Variants in RBM20 observed in about 807,000 individuals in gnomAD.
RBM20 encodes the protein RNA binding motif protein 20.
RBM20 carries 51 observed loss-of-function variants against 110.1 expected under a neutral mutation model. The ratio of observed to expected loss-of-function variants is 0.46; its 90% CI spans 0.37 to 0.59. The LOEUF is 0.59. RBM20 is among the 20% of genes least tolerant of loss of function. RBM20 has a pLI of 0.00. For synonymous variants in RBM20, 589 were observed against 618.2 expected (o/e 0.95, Z 0.70); for missense variants, 1,512 against 1,574.9 (o/e 0.96, Z 0.68).
In RBM20 at chr10:110,836,139, C is replaced by T. The variant is rs1272421631; in HGVS notation, c.*161C>T. ...TTGTTCCCAGAGACTCAGTGAAATG[C>T]CCCTGATATGTCTCCAGGAGCAAGT... On this transcript the variant is annotated 3_prime_UTR_variant, in exon 14 of 14. Transcript: ENST00000369519. 8.0e-6 allele frequency: 4 copies of T among 502,524 alleles called. No individual in the cohort carries two copies. The highest frequency in any genetic ancestry group is 5.9e-5 in the African/African-American group (3 of 51,036). 31.1% of individuals were successfully genotyped at this position (502,524 alleles called of 1,614,324 possible).
chr10:110,676,456 G>C (rs1862341162), intron 1 of RBM20, among the ~76,000 whole-genome samples: 2 of 152,220 alleles, frequency 1.3e-5, no homozygotes, highest in Non-Finnish European at 2.9e-5. Flanking sequence ...AACAGTGGAA[G>C]AGAAACTTTG....
At chr10:110,653,547 A>G (rs1390154371) in intron 1 of RBM20, among the ~76,000 whole-genome samples, 1 of 136,092 alleles carries the variant, frequency 7.3e-6, no homozygotes, top group Non-Finnish European at 1.6e-5. Flanking sequence ...TTTTTTTTGC[A>G]TTTGTTTATA....
rs546391168 is a variant in RBM20 at position 110,750,808 on chromosome 10, A to G, written c.192-29993A>G. Among the ~76,000 whole-genome samples, 3 of 152,314 alleles carry G rather than the reference A, an allele frequency of 2.0e-5. No individual in the cohort carries two copies. In the East Asian group the frequency reaches 5.8e-4, roughly 29 times the overall value. On this transcript the variant is annotated intron_variant, in intron 1 of 13. Transcript: ENST00000369519. ...TTGGTCTGAAATCATGAGGCCTTTCAGGAGCCAAGAAATACACCTGGGTAT... is the reference window on the plus strand; with the variant it reads ...TTGGTCTGAAATCATGAGGCCTTTCGGGAGCCAAGAAATACACCTGGGTAT...
At chr10:110,663,360 C>T (rs781541663) in intron 1 of RBM20, among the ~76,000 whole-genome samples, 3 of 152,154 alleles carry the variant, frequency 2.0e-5, no homozygotes, top group Non-Finnish European at 2.9e-5. Flanking sequence ...GGAAGGGGGA[C>T]GATCTCCGTG....
chr10:110,760,393 G>A (rs1198067384), intron 1 of RBM20, among the ~76,000 whole-genome samples: 3 of 144,390 alleles, frequency 2.1e-5, no homozygotes, highest in Non-Finnish European at 4.6e-5. Flanking sequence ...TAAGCTACAT[G>A]GGTCAATATT....
intron 9 of RBM20, among the ~76,000 whole-genome samples, chr10:110,814,855 C>T (rs1342466431): frequency 6.6e-6 from 1 of 152,282 alleles, no homozygotes; most frequent in African/African-American, 2.4e-5. Flanking sequence ...TTTTGAAGAA[C>T]CTGGAGATAA....
At chr10:110,783,262 C>A in intron 2 of RBM20, 104 bp from the exon 3 acceptor site, 1 of 830,912 alleles carries the variant, frequency 1.2e-6, no homozygotes, top group Non-Finnish European at 2.0e-6. Flanking sequence ...GGTCCAGCCT[C>A]TGGGCGCTCT....
chr10:110,736,956 C>T (rs992790399), intron 1 of RBM20, among the ~76,000 whole-genome samples: 1 of 151,724 alleles, frequency 6.6e-6, no homozygotes. Context: ...GAGCAGATCT[C>T]CTGAGGTCAG....
intron 7 of RBM20, among the ~76,000 whole-genome samples, chr10:110,807,260 G>A (rs950059722): frequency 6.6e-6 from 1 of 152,132 alleles, no homozygotes; most frequent in Non-Finnish European, 1.5e-5. Flanking sequence ...GGGGACCTGG[G>A]ATCCGGATAG....
At position 110,818,309 on chromosome 10, in the gene RBM20, C is replaced by CAAAAAA. The variant is rs1466741507; in HGVS notation, c.2551-1759_2551-1758insAAAAAA. ...TCCATCTCAAAAAAAAAAAAAAAAC[C>CAAAAAA]AAAACGACAATATGGTGAGGATGTG... On this transcript the variant is annotated intron_variant, in intron 9 of 13. Transcript: ENST00000369519. 1.0e-3 allele frequency among the ~76,000 whole-genome samples: 124 copies of CAAAAAA among 119,768 alleles called. 5 individuals carry two copies. Among genetic ancestry groups the CAAAAAA allele is most frequent in the Non-Finnish European group, 1.5e-3 (88 of 57,430 alleles). 78.6% of individuals were successfully genotyped at this position (119,768 alleles called of 152,430 possible). A position where few individuals can be genotyped will look rare whatever the true frequency, so the allele number is the denominator to read the frequency against.
At chr10:110,683,384 G>A (rs544136154) in intron 1 of RBM20, among the ~76,000 whole-genome samples, 2 of 152,332 alleles carry the variant, frequency 1.3e-5, no homozygotes, top group Admixed American at 1.3e-4. Context: ...GCATTAGAGC[G>A]ATTGGAGCTG....
intron 1 of RBM20, among the ~76,000 whole-genome samples, chr10:110,690,155 C>G (rs1862566876): frequency 1.3e-5 from 2 of 152,152 alleles, no homozygotes; most frequent in Admixed American, 6.5e-5. Flanking sequence ...CCTGTAATCC[C>G]AGCACTTTGG....
intron 5 of RBM20, among the ~76,000 whole-genome samples, chr10:110,788,074 A>G (rs1282259493): frequency 6.6e-6 from 1 of 151,938 alleles, no homozygotes; most frequent in East Asian, 1.9e-4. Flanking sequence ...TAGCTGGTAA[A>G]TGGAGGTGGT....
At chr10:110,664,975 A>G (rs1368219206) in intron 1 of RBM20, among the ~76,000 whole-genome samples, 1 of 151,884 alleles carries the variant, frequency 6.6e-6, no homozygotes. Context: ...CCCTGGGCTC[A>G]AGCCATCCTC....
At chr10:110,823,927 A>G (rs1844950362) in intron 12 of RBM20, among the ~76,000 whole-genome samples, 1 of 149,898 alleles carries the variant, frequency 6.7e-6, no homozygotes, top group Non-Finnish European at 1.5e-5. Flanking sequence ...GGGTCTCCAT[A>G]TGTGGCCCAG....
At chr10:110,773,096 C>T (rs966286447) in intron 1 of RBM20, among the ~76,000 whole-genome samples, 2 of 152,218 alleles carry the variant, frequency 1.3e-5, no homozygotes, top group Non-Finnish European at 2.9e-5. Context: ...TGATTTTGCA[C>T]TCCATTGCGC....
chr10:110,688,731 T>C (rs12219938), intron 1 of RBM20, among the ~76,000 whole-genome samples: 33,747 of 152,112 alleles, frequency 0.22, 3,900 homozygotes, highest in East Asian at 0.33. Flanking sequence ...TACATAACCA[T>C]GGTACATTTT....
chr10:110,761,117 A>C (rs983055170), intron 1 of RBM20: 1 of 61,322 alleles, frequency 1.6e-5, no homozygotes, highest in Non-Finnish European at 3.6e-5. Flanking sequence ...AAAAAAAAAG[A>C]AAAGAGAAAA....
intron 5 of RBM20, among the ~76,000 whole-genome samples, chr10:110,793,983 T>C (rs1026670657): frequency 2.0e-5 from 3 of 152,222 alleles, no homozygotes; most frequent in Admixed American, 6.5e-5. Flanking sequence ...AATTACTGCG[T>C]AGCATGGTGA....
Sources: gnomAD v4.1 joint callset for allele counts (sites outside exome capture counted in the v4.1 genomes callset) on GRCh38, gnomAD v4.1.1 for gene constraint, MANE v1.5 for transcripts, NCBI Gene and HGNC (gene_info 2026-07-23, HGNC 2026-07-21) for gene names.